TBC1D22A: variants seen among roughly 807,000 people sequenced by gnomAD.
TBC1D22A encodes putative GTPase activator.
A neutral mutation model predicts 60.2 loss-of-function variants in TBC1D22A; 38 were observed. That is an observed-to-expected ratio of 0.63 (90% CI 0.49 to 0.83). TBC1D22A has a LOEUF of 0.83. Among genes scored for constraint, TBC1D22A ranks in the 40% least tolerant of loss-of-function variants. TBC1D22A has a pLI of 0.00. For missense variants in TBC1D22A, 628 were observed against 701.0 expected, an observed-to-expected ratio of 0.90 and a Z score of 1.18; for synonymous variants, 302 against 281.7, an observed-to-expected ratio of 1.07 and a Z score of -0.72.
intron 11 of TBC1D22A, among the ~76,000 whole-genome samples, chr22:47,059,189 G>C (rs2063490446): frequency 6.6e-6 from 1 of 152,272 alleles, no homozygotes; most frequent in Non-Finnish European, 1.5e-5. Flanking sequence ...TGGGGGACAG[G>C]CCATGCCGTG....
At chr22:46,983,363 TC>T (rs1328391330) in intron 9 of TBC1D22A, among the ~76,000 whole-genome samples, 1 of 152,250 alleles carries the variant, frequency 6.6e-6, no homozygotes, top group East Asian at 1.9e-4. Flanking sequence ...GGACAGAATT[TC>T]TGTGTTTTCT....
At chr22:46,948,967 G>C (rs1021186525) in intron 8 of TBC1D22A, among the ~76,000 whole-genome samples, 8 of 152,324 alleles carry the variant, frequency 5.3e-5, no homozygotes, top group Admixed American at 2.0e-4. Flanking sequence ...TCCAGGCACG[G>C]GAGTTCTGTC....
chr22:46,913,394 C>T (rs73478584), intron 8 of TBC1D22A: 60,280 of 1,366,154 alleles, frequency 0.044, 3,342 homozygotes, highest in African/African-American at 0.25. Context: ...AGAGATGAGC[C>T]TTACCCGAGG....
chr22:47,033,478 A>G (rs1237247599), intron 10 of TBC1D22A, among the ~76,000 whole-genome samples: 1 of 152,146 alleles, frequency 6.6e-6, no homozygotes, highest in African/African-American at 2.4e-5. Flanking sequence ...ACAGACACTC[A>G]TGGATGCTCA....
rs2072118822 is a variant in TBC1D22A, at chr22:46,941,668, A to ATT, written c.1015+29480_1015+29481insTT. Among the ~76,000 whole-genome samples, 3 of 147,398 alleles carry ATT rather than the reference A, an allele frequency of 2.0e-5. 1 individual carries two copies. The highest frequency in any genetic ancestry group is 6.9e-5 in the Admixed American group (1 of 14,526). ...ATATATACGGAATATATATACGCGG[A>ATT]ATATATATACGGAATATATATACGC... On this transcript the variant is annotated intron_variant, in intron 8 of 12. Transcript: ENST00000337137.
intron 4 of TBC1D22A, among the ~76,000 whole-genome samples, chr22:46,804,779 T>C (rs1232792629): frequency 6.6e-6 from 1 of 152,270 alleles, no homozygotes; most frequent in Non-Finnish European, 1.5e-5. Context: ...TTGTTTCTGT[T>C]GAATGGTGAT....
intron 12 of TBC1D22A, among the ~76,000 whole-genome samples, chr22:47,142,423 TCACCCACCCACCCACCCATCCATTCACC>T (rs2067128859): frequency 8.2e-5 from 1 of 12,260 alleles, no homozygotes; most frequent in Non-Finnish European, 1.7e-4. Context: ...ACCCATCCAT[TCACCCACCCACCCACCCATCCATTCACC>T]CACCCACCCA....
rs1200119717 is a variant in TBC1D22A at position 46,990,713 on chromosome 22, G to A, written c.1126-6921G>A. ...TCCATAGTTTCACCTTTGCCAGAAT[G>A]TGACTTAGTTGAAATCCTGCAGTTG... On this transcript the variant is annotated intron_variant, in intron 9 of 12. Coordinates refer to ENST00000337137, the MANE Select transcript of TBC1D22A (RefSeq NM_014346.5). The surrounding 1 kb of genome is among the most constrained non-coding windows in gnomAD (Gnocchi z 4.6). 6.6e-6 allele frequency among the ~76,000 whole-genome samples: 1 copy of A among 152,166 alleles called. No homozygotes were observed. The highest frequency in any genetic ancestry group is 1.5e-5 in the Non-Finnish European group (1 of 68,038).
At chr22:46,949,361 G>A (rs1271877317) in intron 8 of TBC1D22A, among the ~76,000 whole-genome samples, 2 of 152,210 alleles carry the variant, frequency 1.3e-5, no homozygotes, top group African/African-American at 4.8e-5. Context: ...ACCTATGCCA[G>A]AGAAAGAAGT....
intron 4 of TBC1D22A, among the ~76,000 whole-genome samples, chr22:46,844,505 G>T (rs1461347580): frequency 6.6e-6 from 1 of 152,226 alleles, no homozygotes; most frequent in African/African-American, 2.4e-5. Context: ...TGTCTGTGTG[G>T]TTGAGTCGTC....
chr22:46,797,534 C>G lies in TBC1D22A; in HGVS notation c.551C>G (p.Thr184Ser). 1.9e-6 allele frequency: 3 copies of G among 1,614,104 alleles called. No homozygotes were observed. The highest frequency in any genetic ancestry group is 2.5e-6 in the Non-Finnish European group (3 of 1,180,030). The change falls in exon 4 of 13, where the codon ACT becomes AGT. Residue 184 changes from threonine (T) to serine (S), a missense_variant. By Grantham distance (58) the Thr-to-Ser change is moderately conservative. Coordinates refer to ENST00000337137, the MANE Select transcript of TBC1D22A (RefSeq NM_014346.5). ...VTLGGTSDPS[T>S]LSSSALSERE... is the part of the protein sequence containing the mutation. Reference sequence around the variant, plus strand: ...CTGGGTGGCACATCTGACCCCAGCACTCTCAGCAGCTCAGCGCTGAGCGAA... The same window carrying G: ...CTGGGTGGCACATCTGACCCCAGCAGTCTCAGCAGCTCAGCGCTGAGCGAA...
chr22:47,131,005 G>A (rs1310561283), intron 12 of TBC1D22A, among the ~76,000 whole-genome samples: 1 of 152,214 alleles, frequency 6.6e-6, no homozygotes, highest in African/African-American at 2.4e-5. Flanking sequence ...AGAGGCACGG[G>A]GAGCCGGCGT....
chr22:46,879,105 T>C lies in TBC1D22A; in HGVS notation c.708+382T>C, dbSNP rs907425665. On this transcript the variant is annotated intron_variant, in intron 5 of 12. Transcript: ENST00000337137. ...CAAATATGCTGAAAACAAGGACATA[T>C]GTTTGACCAAGTTTTTTTTTTTTTT... Among the ~76,000 whole-genome samples, 14 of 144,476 alleles carry C rather than the reference T, an allele frequency of 9.7e-5. No homozygotes were observed. In the East Asian group the frequency reaches 2.9e-3, roughly 30 times the overall value. The allele number at this position is 144,476 out of a possible 152,430, so 94.8% of individuals were successfully genotyped here.
At chr22:46,982,014 A>G (rs557772692) in intron 9 of TBC1D22A, among the ~76,000 whole-genome samples, 1 of 152,276 alleles carries the variant, frequency 6.6e-6, no homozygotes, top group South Asian at 2.1e-4. Context: ...CAGATTGAGA[A>G]GAGCATTCTA....
At chr22:47,151,810 C>A (rs1052640307) in intron 12 of TBC1D22A, among the ~76,000 whole-genome samples, 1 of 152,222 alleles carries the variant, frequency 6.6e-6, no homozygotes, top group Non-Finnish European at 1.5e-5. Context: ...GCCGGCCTGT[C>A]GGGAAAGAGC....
At position 47,028,426 on chromosome 22, in the gene TBC1D22A, G is replaced by A. The variant is rs544230854; in HGVS notation, c.1202-8645G>A. On this transcript the variant is annotated intron_variant, in intron 10 of 12. Coordinates refer to ENST00000337137, the MANE Select transcript of TBC1D22A (RefSeq NM_014346.5). The surrounding 1 kb of genome is among the most constrained non-coding windows in gnomAD (Gnocchi z 4.4). ...CCCCCACGGCCCAGGTTCTGAGAGC[G>A]AGTGGTCGCATTCCTGTCCCTCGGT... Among the ~76,000 whole-genome samples the A allele has an allele frequency of 8.2e-4, 106 of 128,890 alleles. 1 individual carries two copies. In the Middle Eastern group the frequency reaches 0.011, roughly 14 times the overall value. 84.6% of individuals were successfully genotyped at this position (128,890 alleles called of 152,430 possible).
intron 5 of TBC1D22A, among the ~76,000 whole-genome samples, chr22:46,881,110 A>C (rs961101724): frequency 2.0e-5 from 3 of 151,962 alleles, no homozygotes; most frequent in Admixed American, 2.0e-4. Context: ...CCAAGAGGAG[A>C]CCAGGTGACA....
chr22:46,857,734 C>T (rs530813660), intron 4 of TBC1D22A, among the ~76,000 whole-genome samples: 1 of 152,112 alleles, frequency 6.6e-6, no homozygotes, highest in South Asian at 2.1e-4. Flanking sequence ...TGGAATCACA[C>T]AATCTGTGGC....
At chr22:47,012,838 A>G (rs1293112261) in intron 10 of TBC1D22A, among the ~76,000 whole-genome samples, 1 of 152,114 alleles carries the variant, frequency 6.6e-6, no homozygotes, top group Non-Finnish European at 1.5e-5. Flanking sequence ...ACGTTAGAAG[A>G]CGGGACATTA....
Sources: gnomAD v4.1 joint callset for allele counts (sites outside exome capture counted in the v4.1 genomes callset) on GRCh38, gnomAD v4.1.1 for gene constraint, Gnocchi (gnomAD v3.1) non-coding constraint, MANE v1.5 for transcripts, NCBI Gene and HGNC (gene_info 2026-07-23, HGNC 2026-07-21) for gene names.